The following DLGAP1 variants were observed in gnomAD, a reference collection of about 807,000 sequenced individuals.
DLGAP1 encodes the protein DLG associated protein 1.
DLGAP1 carries 11 observed loss-of-function variants against 90.8 expected under a neutral mutation model. The ratio of observed to expected loss-of-function variants is 0.12; its 90% CI spans 0.08 to 0.20. DLGAP1 has a LOEUF of 0.20. DLGAP1 is among the 10% of genes least tolerant of loss of function. The probability of loss-of-function intolerance (pLI) is 1.00; values close to 1 mark genes in which losing one functional copy is unlikely to be tolerated. For synonymous variants in DLGAP1, 558 were observed against 540.7 expected, an observed-to-expected ratio of 1.03 and a Z score of -0.44; for missense variants, 1,050 against 1,333.8, an observed-to-expected ratio of 0.79 and a Z score of 3.31.
intron 9 of DLGAP1, among the ~76,000 whole-genome samples, chr18:3,548,585 G>C (rs917624099): frequency 6.6e-6 from 1 of 152,066 alleles, no homozygotes; most frequent in Non-Finnish European, 1.5e-5. Context: ...TGTGCAACAT[G>C]GTGAAACCCC....
At chr18:3,770,529 C>T (rs1236226251) in intron 5 of DLGAP1, among the ~76,000 whole-genome samples, 2 of 152,146 alleles carry the variant, frequency 1.3e-5, no homozygotes, top group Non-Finnish European at 2.9e-5. Flanking sequence ...CAGATGAATG[C>T]CCATTCATTG....
chr18:3,967,929 T>C (rs1014805505), intron 3 of DLGAP1, among the ~76,000 whole-genome samples: 18 of 152,180 alleles, frequency 1.2e-4, no homozygotes, highest in African/African-American at 3.9e-4. Context: ...AGGCAAGCCA[T>C]ACTTCCCTTC....
At chr18:4,443,903 G>A (rs912927651) in intron 1 of DLGAP1, among the ~76,000 whole-genome samples, 2 of 152,188 alleles carry the variant, frequency 1.3e-5, no homozygotes, top group Admixed American at 6.5e-5. Flanking sequence ...CAAATTACTT[G>A]GATATAACTG....
intron 1 of DLGAP1, among the ~76,000 whole-genome samples, chr18:4,265,604 C>T (rs1240078320): frequency 9.4e-6 from 1 of 106,014 alleles, no homozygotes; most frequent in Non-Finnish European, 1.8e-5. Flanking sequence ...GCTTTCTTTC[C>T]TTCCTTCCTT....
rs554248097 is a variant in DLGAP1 at position 4,357,157 on chromosome 18, C to CTTTTT, written c.-267+97844_-267+97848dup. 2.0e-3 allele frequency among the ~76,000 whole-genome samples: 212 copies of CTTTTT among 108,684 alleles called. 5 individuals are homozygous for CTTTTT. The highest frequency in any genetic ancestry group is 5.2e-3 in the African/African-American group (145 of 27,910). 71.3% of individuals were successfully genotyped at this position (108,684 alleles called of 152,430 possible). On this transcript the variant is annotated intron_variant, in intron 1 of 12. Transcript: ENST00000315677. ...TTTGTTCTTTCTCTTTGTTTTTTTCCTTTTTTTTTTTTTTTTTTGACAGGC... is the reference window on the plus strand; with the variant it reads ...TTTGTTCTTTCTCTTTGTTTTTTTCCTTTTTTTTTTTTTTTTTTTTTTTGACAGGC...
chr18:4,372,689 G>A (rs1214850067), intron 1 of DLGAP1, among the ~76,000 whole-genome samples: 1 of 152,192 alleles, frequency 6.6e-6, no homozygotes, highest in South Asian at 2.1e-4. Flanking sequence ...CACTTTGGGA[G>A]GGTGAGGCGG....
chr18:4,080,890 C>CTT (rs71160939), intron 2 of DLGAP1, among the ~76,000 whole-genome samples: 3 of 145,630 alleles, frequency 2.1e-5, no homozygotes, highest in Non-Finnish European at 3.0e-5. Context: ...TTTGAATGCC[C>CTT]TTTTTTTTTT....
chr18:3,668,740 G>A (rs1000842941), intron 7 of DLGAP1, among the ~76,000 whole-genome samples: 23 of 152,290 alleles, frequency 1.5e-4, no homozygotes, highest in Admixed American at 6.5e-4. Flanking sequence ...GCTCACGCAT[G>A]GAATCCCAGC....
intron 1 of DLGAP1, among the ~76,000 whole-genome samples, chr18:4,277,397 C>T (rs563207143): frequency 3.9e-5 from 6 of 152,198 alleles, no homozygotes; most frequent in African/African-American, 7.2e-5. Flanking sequence ...CACTGTAATA[C>T]GCATTCTGAT....
At chr18:3,648,873 C>T (rs915356600) in intron 7 of DLGAP1, among the ~76,000 whole-genome samples, 22 of 152,196 alleles carry the variant, frequency 1.4e-4, no homozygotes, top group Non-Finnish European at 2.8e-4. Context: ...TTGTAAATGC[C>T]TACTTCCTGC....
At chr18:4,216,383 C>T (rs1353968108) in intron 1 of DLGAP1, among the ~76,000 whole-genome samples, 1 of 151,968 alleles carries the variant, frequency 6.6e-6, no homozygotes, top group Non-Finnish European at 1.5e-5. Context: ...CAAACCATAT[C>T]ACCTACCAAC....
intron 7 of DLGAP1, among the ~76,000 whole-genome samples, chr18:3,723,472 C>T (rs2062048366): frequency 6.6e-6 from 1 of 152,062 alleles, no homozygotes; most frequent in African/African-American, 2.4e-5. Flanking sequence ...GCAGCTTTTC[C>T]TTTCTTCTTC....
intron 2 of DLGAP1, among the ~76,000 whole-genome samples, chr18:4,007,429 C>CCTG (rs1218224627): frequency 3.3e-5 from 5 of 152,126 alleles, no homozygotes; most frequent in Admixed American, 3.3e-4. Context: ...CAGAGGCCGG[C>CCTG]AGATTACCTG....
intron 2 of DLGAP1, among the ~76,000 whole-genome samples, chr18:4,107,468 A>T (rs2075889721): frequency 6.6e-6 from 1 of 152,154 alleles, no homozygotes; most frequent in Admixed American, 6.5e-5. Flanking sequence ...GTTCCCCATG[A>T]CCCAGAATGG....
intron 1 of DLGAP1, among the ~76,000 whole-genome samples, chr18:4,395,789 G>C (rs1169598747): frequency 6.6e-6 from 1 of 152,210 alleles, no homozygotes; most frequent in African/African-American, 2.4e-5. Flanking sequence ...ATACAGCCTT[G>C]CTGGAATACC....
At chr18:4,384,692 A>G (rs1267505413) in intron 1 of DLGAP1, among the ~76,000 whole-genome samples, 1 of 152,134 alleles carries the variant, frequency 6.6e-6, no homozygotes, top group East Asian at 1.9e-4. Context: ...ATGCCGACCA[A>G]TCGAGAAAGA....
chr18:4,287,117 A>G (rs2079718140), intron 1 of DLGAP1, among the ~76,000 whole-genome samples: 1 of 152,210 alleles, frequency 6.6e-6, no homozygotes, highest in Non-Finnish European at 1.5e-5. Flanking sequence ...GGTAGTTTGG[A>G]ACCAAGCCAA....
chr18:4,147,927 G>A (rs904165151), intron 2 of DLGAP1, among the ~76,000 whole-genome samples: 3 of 152,188 alleles, frequency 2.0e-5, no homozygotes, highest in Non-Finnish European at 4.4e-5. Flanking sequence ...GAACAGATCA[G>A]CATCATCTGG....
chr18:4,174,137 C>A (rs1344255810), intron 1 of DLGAP1, among the ~76,000 whole-genome samples: 2 of 151,976 alleles, frequency 1.3e-5, no homozygotes, highest in South Asian at 4.1e-4. Flanking sequence ...GGGCATTAGT[C>A]CTAGGTGCCT....
Sources: allele counts gnomAD v4.1 joint callset (sites outside exome capture counted in the v4.1 genomes callset), GRCh38; gene constraint gnomAD v4.1.1; transcripts MANE v1.5; gene names NCBI Gene and HGNC (gene_info 2026-07-23, HGNC 2026-07-21).